Variants in SLIT3 observed in about 807,000 individuals in gnomAD.
SLIT3 encodes slit guidance ligand 3, also known as slit homolog 3 protein.
A neutral mutation model predicts 184.0 loss-of-function variants in SLIT3; 68 were observed. That is an observed-to-expected ratio of 0.37 (90% CI 0.30 to 0.45). The LOEUF is 0.45. SLIT3 is among the 20% of genes least tolerant of loss of function. SLIT3 has a pLI of 1.00. For synonymous variants in SLIT3, 831 were observed against 828.6 expected (o/e 1.00, Z -0.05); for missense variants, 1,707 against 2,026.0 (o/e 0.84, Z 3.02).
chr5:168,905,800 C>T (rs1295828856), intron 4 of SLIT3, among the ~76,000 whole-genome samples: 1 of 152,166 alleles, frequency 6.6e-6, no homozygotes, highest in African/African-American at 2.4e-5. Context: ...GCCTTTCCAC[C>T]ATCACCCATT....
intron 9 of SLIT3, among the ~76,000 whole-genome samples, chr5:168,801,332 C>T (rs965138031): frequency 6.6e-6 from 1 of 152,184 alleles, no homozygotes; most frequent in African/African-American, 2.4e-5. Flanking sequence ...TTCTGTGTGT[C>T]TTTTAAACCC....
At chr5:169,185,701 G>A (rs553582968) in intron 4 of SLIT3, among the ~76,000 whole-genome samples, 1 of 152,348 alleles carries the variant, frequency 6.6e-6, no homozygotes, top group East Asian at 1.9e-4. Context: ...GTAGCAGAAA[G>A]CACTACCTAG....
intron 12 of SLIT3, among the ~76,000 whole-genome samples, chr5:168,774,843 T>C (rs1755688474): frequency 2.0e-5 from 3 of 152,196 alleles, no homozygotes. Context: ...TGATGAAAGT[T>C]ATATGTCATC....
chr5:168,722,342 G>T lies in SLIT3; in HGVS notation c.2412-15C>A, dbSNP rs1561893861. 1 of 1,613,164 alleles carries T rather than the reference G, an allele frequency of 6.2e-7. No individual in the cohort carries two copies. The highest frequency in any genetic ancestry group is 2.2e-5 in the East Asian group (1 of 44,884). On this transcript the variant is annotated splice_polypyrimidine_tract_variant and intron_variant, in intron 22 of 35. Coordinates refer to ENST00000519560, the MANE Select transcript of SLIT3 (RefSeq NM_003062.4). ...AGCTCAGGATCCTGTGGAAAAGGAG[G>T]CATGTGCCCTGTTGTGTCTTTCTAT...
chr5:168,870,977 T>A (rs758270354), intron 5 of SLIT3, among the ~76,000 whole-genome samples: 7 of 152,192 alleles, frequency 4.6e-5, no homozygotes, highest in Non-Finnish European at 1.0e-4. Flanking sequence ...CTATAACGAA[T>A]TACCACAAAC....
At chr5:168,856,812 C>CGCGCGT (rs1758895748) in intron 5 of SLIT3, among the ~76,000 whole-genome samples, 1 of 128,488 alleles carries the variant, frequency 7.8e-6, no homozygotes, top group African/African-American at 3.1e-5. Context: ...TGTGTGCGCG[C>CGCGCGT]GCGCGCACGC....
chr5:169,269,922 G>A (rs1027087090), intron 1 of SLIT3, among the ~76,000 whole-genome samples: 7 of 152,194 alleles, frequency 4.6e-5, no homozygotes, highest in Admixed American at 1.3e-4. Context: ...AGTTTGGGAG[G>A]TGGGGACATT....
In SLIT3 at chr5:168,872,787, C is replaced by T. The variant is rs185264917; in HGVS notation, c.485+10478G>A. 7.7e-3 allele frequency among the ~76,000 whole-genome samples: 1,174 copies of T among 151,880 alleles called. 8 individuals are homozygous for T. The highest frequency in any genetic ancestry group is 0.012 in the Admixed American group (185 of 15,256). On this transcript the variant is annotated intron_variant, in intron 5 of 35. Transcript: ENST00000519560. ...TCCCGAGTAGCTGGGACTACAGGCA[C>T]CCGCCACCACACCCGGCTAATTTTT... is the stretch of plus-strand genomic sequence containing the variant.
In SLIT3 at chr5:168,756,735, G is replaced by A. The variant is rs186746281; in HGVS notation, c.1686-2728C>T. Among the ~76,000 whole-genome samples, 104 of 152,338 alleles carry A rather than the reference G, an allele frequency of 6.8e-4. 1 individual carries two copies. Among genetic ancestry groups the A allele is most frequent in the African/African-American group, 2.4e-3 (101 of 41,578 alleles). On this transcript the variant is annotated intron_variant, in intron 16 of 35. Coordinates refer to ENST00000519560, the MANE Select transcript of SLIT3 (RefSeq NM_003062.4). ...GATAAAGGCTCTCCAGCAGCTATAA[G>A]TCACCCGAATGCCAGAAGAGAAGGC...
chr5:168,767,662 A>G (rs1164762196), intron 14 of SLIT3, among the ~76,000 whole-genome samples: 7 of 152,250 alleles, frequency 4.6e-5, no homozygotes, highest in African/African-American at 1.7e-4. Flanking sequence ...AGTTTCACCC[A>G]TTCTCATGCT....
At chr5:169,275,724 GA>G (rs530210966) in intron 1 of SLIT3, among the ~76,000 whole-genome samples, 2 of 152,148 alleles carry the variant, frequency 1.3e-5, no homozygotes, top group Non-Finnish European at 2.9e-5. Context: ...AATAGCATGG[GA>G]AAGACCAGCC....
intron 13 of SLIT3, among the ~76,000 whole-genome samples, chr5:168,773,244 A>C (rs1209248939): frequency 1.3e-5 from 2 of 152,060 alleles, no homozygotes; most frequent in African/African-American, 4.8e-5. Context: ...ACCCACGCCA[A>C]TTCTGACAGA....
chr5:169,054,098 GA>G (rs989309628), intron 4 of SLIT3, among the ~76,000 whole-genome samples: 4 of 144,482 alleles, frequency 2.8e-5, no homozygotes, highest in African/African-American at 1.0e-4. Context: ...CTCAAGAAAA[GA>G]AAAAAAAATA....
At position 168,906,218 on chromosome 5, in the gene SLIT3, A is replaced by G. The variant is rs112242057; in HGVS notation, c.414-22882T>C. Among the ~76,000 whole-genome samples the G allele has an allele frequency of 7.3e-3, 1,110 of 152,354 alleles. 16 individuals are homozygous for G. The highest frequency in any genetic ancestry group is 0.025 in the African/African-American group (1,040 of 41,588). ...ACTATGCTATTATACTTAAAAATAC[A>G]GTAAGGATTAAAACTGCCAGACCAA... On this transcript the variant is annotated intron_variant, in intron 4 of 35. Transcript: ENST00000519560.
intron 4 of SLIT3, among the ~76,000 whole-genome samples, chr5:169,100,764 C>T (rs548505904): frequency 1.3e-5 from 2 of 152,292 alleles, no homozygotes; most frequent in African/African-American, 4.8e-5. Flanking sequence ...CCAGGCACCT[C>T]CATCCTCTCC....
At position 168,967,651 on chromosome 5, in the gene SLIT3, G is replaced by A. The variant is rs1417458974; in HGVS notation, c.414-84315C>T. On this transcript the variant is annotated intron_variant, in intron 4 of 35. Transcript: ENST00000519560. ...GAGACGGGGTTTCACCGTTTTAGCCGGGATGGTCTCGATCTCCTGACCTCG... is the reference window on the plus strand; with the variant it reads ...GAGACGGGGTTTCACCGTTTTAGCCAGGATGGTCTCGATCTCCTGACCTCG... Among the ~76,000 whole-genome samples, 26 of 138,770 alleles carry A rather than the reference G, an allele frequency of 1.9e-4. 3 individuals carry two copies. Among genetic ancestry groups the A allele is most frequent in the African/African-American group, 4.8e-4 (19 of 39,774 alleles). The allele number at this position is 138,770 out of a possible 152,430, so 91.0% of individuals were successfully genotyped here. A position where few individuals can be genotyped will look rare whatever the true frequency, so the allele number is the denominator to read the frequency against.
Position 169,083,131 on chromosome 5 carries a change from C to T in SLIT3, c.413+110348G>A, listed in dbSNP as rs145716128. ...TCGGAACTAACTGGTCACTCAGAAG[C>T]GGAATGGATCACACAAAGGTCTCAA... On this transcript the variant is annotated intron_variant, in intron 4 of 35. Coordinates refer to ENST00000519560, the MANE Select transcript of SLIT3 (RefSeq NM_003062.4). 3.9e-4 allele frequency among the ~76,000 whole-genome samples: 59 copies of T among 152,296 alleles called. No homozygotes were observed. In the East Asian group the frequency reaches 9.6e-3, roughly 25 times the overall value.
At chr5:168,676,856 C>T (rs1022906541) in intron 32 of SLIT3, among the ~76,000 whole-genome samples, 8 of 152,148 alleles carry the variant, frequency 5.3e-5, no homozygotes, top group Non-Finnish European at 7.4e-5. Flanking sequence ...ACAGACACAG[C>T]GAACACATAC....
chr5:168,723,298 G>A (rs1381953871), intron 21 of SLIT3, among the ~76,000 whole-genome samples: 2 of 147,970 alleles, frequency 1.4e-5, no homozygotes, highest in Non-Finnish European at 3.0e-5. Context: ...GCAGTCACCT[G>A]CCTGCCTGCC....
Sources: gnomAD v4.1 joint callset for allele counts (sites outside exome capture counted in the v4.1 genomes callset) on GRCh38, gnomAD v4.1.1 for gene constraint, MANE v1.5 for transcripts, NCBI Gene and HGNC (gene_info 2026-07-23, HGNC 2026-07-21) for gene names.